ESRRG: variants seen among roughly 807,000 people sequenced by gnomAD.
The protein encoded by ESRRG is estrogen-related receptor gamma.
Under a neutral mutation model 44.0 loss-of-function variants are expected in ESRRG, and 13 were observed. That is an observed-to-expected ratio of 0.30 (90% CI 0.19 to 0.47). ESRRG has a LOEUF of 0.47. Among genes scored for constraint, ESRRG ranks in the 20% least tolerant of loss-of-function variants. The pLI is 1.00. For synonymous variants in ESRRG, 215 were observed against 214.6 expected, an observed-to-expected ratio of 1.00 and a Z score of -0.02; for missense variants, 395 against 580.6, an observed-to-expected ratio of 0.68 and a Z score of 3.29.
At chr1:217,134,392 G>A (rs1462072056) in intron 1 of ESRRG, among the ~76,000 whole-genome samples, 2 of 152,212 alleles carry the variant, frequency 1.3e-5, no homozygotes. Flanking sequence ...TGGTGCCTAA[G>A]AAGTTGATCT....
chr1:216,910,241 TAC>T lies in ESRRG; in HGVS notation c.-14+29339_-14+29340del, dbSNP rs113961991. On this transcript the variant is annotated intron_variant, in intron 2 of 7. Coordinates refer to the ESRRG transcript ENST00000359162. ...ACACACACACACAAACAGGCACACA[TAC>T]ACACACACACACACACGCATACATT... Among the ~76,000 whole-genome samples, 160 of 148,598 alleles carry T rather than the reference TAC, an allele frequency of 1.1e-3. 1 individual carries two copies. The highest frequency in any genetic ancestry group is 3.2e-3 in the South Asian group (15 of 4,706).
At chr1:216,918,987 CTT>C (rs906155085) in intron 2 of ESRRG, among the ~76,000 whole-genome samples, 1 of 151,718 alleles carries the variant, frequency 6.6e-6, no homozygotes, top group African/African-American at 2.4e-5. Context: ...CATAATATAA[CTT>C]TTATAAACTA....
chr1:216,705,654 T>C (rs994783174), intron 1 of ESRRG, among the ~76,000 whole-genome samples: 3 of 152,230 alleles, frequency 2.0e-5, no homozygotes, highest in African/African-American at 4.8e-5. Flanking sequence ...AATGCTTTCA[T>C]GCATTAAAGC....
chr1:216,649,993 C>A (rs1348039306), intron 3 of ESRRG, among the ~76,000 whole-genome samples: 2 of 152,062 alleles, frequency 1.3e-5, no homozygotes, highest in Non-Finnish European at 2.9e-5. Flanking sequence ...ATAGGACAAG[C>A]CCCAGAAACA....
At chr1:216,694,330 A>C (rs921657580) in intron 1 of ESRRG, among the ~76,000 whole-genome samples, 1 of 152,122 alleles carries the variant, frequency 6.6e-6, no homozygotes, top group South Asian at 2.1e-4. Context: ...GTCTCAGAGA[A>C]TGTAGGAGGG....
chr1:216,585,362 T>G (rs1054412443), intron 3 of ESRRG, among the ~76,000 whole-genome samples: 9 of 152,224 alleles, frequency 5.9e-5, no homozygotes, highest in African/African-American at 2.2e-4. Flanking sequence ...TCTCTAAATT[T>G]AAGCTGCAGT....
At chr1:216,748,098 A>G (rs1162095764) in intron 2 of ESRRG, among the ~76,000 whole-genome samples, 4 of 152,184 alleles carry the variant, frequency 2.6e-5, no homozygotes, top group Non-Finnish European at 4.4e-5. Flanking sequence ...TTACAAATAA[A>G]GTTTAGAAAA....
At chr1:216,548,628 C>T (rs1378102994) in intron 5 of ESRRG, among the ~76,000 whole-genome samples, 1 of 152,014 alleles carries the variant, frequency 6.6e-6, no homozygotes, top group South Asian at 2.1e-4. Context: ...GCTGCGATGT[C>T]ATTTTCTTCA....
intron 3 of ESRRG, among the ~76,000 whole-genome samples, chr1:216,601,414 C>T (rs1558746808): frequency 6.6e-6 from 1 of 152,180 alleles, no homozygotes; most frequent in Non-Finnish European, 1.5e-5. Flanking sequence ...CTCCAAGCAT[C>T]CTAGAAAAGA....
chr1:216,893,203 T>C (rs1335753573), intron 2 of ESRRG, among the ~76,000 whole-genome samples: 1 of 152,182 alleles, frequency 6.6e-6, no homozygotes, highest in Non-Finnish European at 1.5e-5. Flanking sequence ...TTCTGTTTCC[T>C]TTAACAGCAT....
intron 2 of ESRRG, among the ~76,000 whole-genome samples, chr1:216,795,115 C>T (rs1325378145): frequency 2.6e-5 from 4 of 152,196 alleles, no homozygotes; most frequent in East Asian, 1.9e-4. Flanking sequence ...TTGATTCTTG[C>T]ATCACTTGAC....
At chr1:216,960,711 G>A (rs1333019605) in intron 1 of ESRRG, among the ~76,000 whole-genome samples, 1 of 152,038 alleles carries the variant, frequency 6.6e-6, no homozygotes, top group Non-Finnish European at 1.5e-5. Flanking sequence ...TTAATCTCCT[G>A]AGTAGCTGGG....
intron 1 of ESRRG, chr1:216,715,369 G>T: frequency 2.8e-6 from 1 of 351,082 alleles, no homozygotes; most frequent in Non-Finnish European, 4.0e-6. Context: ...CCCTTTCTTT[G>T]GTCATGAACA....
chr1:217,046,495 A>G (rs2084905607), intron 1 of ESRRG, among the ~76,000 whole-genome samples: 1 of 152,314 alleles, frequency 6.6e-6, no homozygotes, highest in Middle Eastern at 3.4e-3. Flanking sequence ...ACCTACATTT[A>G]TAGCTTCATC....
intron 5 of ESRRG, among the ~76,000 whole-genome samples, chr1:216,561,959 A>G (rs1451434721): frequency 6.6e-6 from 1 of 152,164 alleles, no homozygotes. Context: ...GGTGTTACTC[A>G]TAGTTATTTA....
chr1:216,927,093 C>G (rs117612803), intron 2 of ESRRG, among the ~76,000 whole-genome samples: 2 of 152,074 alleles, frequency 1.3e-5, no homozygotes, highest in African/African-American at 4.8e-5. Context: ...GAAAGCAATC[C>G]GAACCATAAC....
chr1:216,573,817 A>C lies in ESRRG; in HGVS notation c.590-5719T>G, dbSNP rs1033717480. Among the ~76,000 whole-genome samples, 57 of 152,132 alleles carry C rather than the reference A, an allele frequency of 3.7e-4. 1 individual carries two copies. Among genetic ancestry groups the C allele is most frequent in the African/African-American group, 1.3e-3 (54 of 41,556 alleles). On this transcript the variant is annotated intron_variant, in intron 3 of 6. Coordinates refer to ENST00000408911, the MANE Select transcript of ESRRG (RefSeq NM_001438.4). ...GCTGTAAGTACACAACACAAAGTTA[A>C]ATAGAGAATTCATAATTATCTAATT...
intron 2 of ESRRG, among the ~76,000 whole-genome samples, chr1:216,670,651 G>A (rs1489915289): frequency 6.6e-6 from 1 of 152,112 alleles, no homozygotes; most frequent in African/African-American, 2.4e-5. Context: ...ACTCTCTCTT[G>A]GGTCTGTTCT....
At chr1:216,947,180 A>G (rs1453458110) in intron 1 of ESRRG, among the ~76,000 whole-genome samples, 2 of 152,270 alleles carry the variant, frequency 1.3e-5, no homozygotes, top group South Asian at 2.1e-4. Flanking sequence ...AGAGAAAAAT[A>G]TAAATATACA....
Sources: gnomAD v4.1 joint callset for allele counts (sites outside exome capture counted in the v4.1 genomes callset) on GRCh38, gnomAD v4.1.1 for gene constraint, MANE v1.5 for transcripts, NCBI Gene and HGNC (gene_info 2026-07-23, HGNC 2026-07-21) for gene names.